The following TMEFF2 variants were observed in gnomAD, a reference collection of about 807,000 sequenced individuals.
TMEFF2 encodes transmembrane protein with EGF like and two follistatin like domains 2.
Under a neutral mutation model 53.8 loss-of-function variants are expected in TMEFF2, and 28 were observed. The observed-to-expected ratio is 0.52, with a 90% CI of 0.39 to 0.71. The LOEUF is 0.71. TMEFF2 is among the 30% of genes least tolerant of loss of function. The pLI is 0.00. For missense variants in TMEFF2, 353 were observed against 455.2 expected (o/e 0.78, Z 2.04); for synonymous variants, 162 against 166.3 (o/e 0.97, Z 0.20).
intron 4 of TMEFF2, among the ~76,000 whole-genome samples, chr2:192,123,577 C>T (rs1002484605): frequency 1.3e-5 from 2 of 152,058 alleles, no homozygotes; most frequent in African/African-American, 4.8e-5. Context: ...TTACTATTAG[C>T]AAAATAATAG....
intron 4 of TMEFF2, among the ~76,000 whole-genome samples, chr2:192,146,571 T>C (rs1017074801): frequency 6.6e-6 from 1 of 152,040 alleles, no homozygotes; most frequent in African/African-American, 2.4e-5. Context: ...CATTTCTGAT[T>C]CATTGAGAGA....
Position 191,989,222 on chromosome 2 carries a change from G to A in TMEFF2, c.745+9040C>T, listed in dbSNP as rs545895475. Among the ~76,000 whole-genome samples, 9 of 152,236 alleles carry A rather than the reference G, an allele frequency of 5.9e-5. No individual in the cohort carries two copies. The South Asian group carries it at 6.2e-4, about 11-fold the overall frequency. ...GGCTTAAAGTCATGAAATGGCTTCCGTGAAACCAGGCCTCAATTTTATCCT... is the reference window on the plus strand; with the variant it reads ...GGCTTAAAGTCATGAAATGGCTTCCATGAAACCAGGCCTCAATTTTATCCT... On this transcript the variant is annotated intron_variant, in intron 7 of 9. Transcript: ENST00000272771.
intron 5 of TMEFF2, among the ~76,000 whole-genome samples, chr2:192,047,659 A>G (rs1472922104): frequency 2.6e-5 from 4 of 152,222 alleles, no homozygotes; most frequent in Admixed American, 2.6e-4. Flanking sequence ...CTAGAAAATC[A>G]GATATTCGTT....
chr2:192,113,760 T>A (rs1439973621), intron 4 of TMEFF2, among the ~76,000 whole-genome samples: 1 of 152,144 alleles, frequency 6.6e-6, no homozygotes, highest in Non-Finnish European at 1.5e-5. Flanking sequence ...CAAAAGCAGG[T>A]GAGAGTAATA....
chr2:191,991,077 A>AT (rs1559074715), intron 7 of TMEFF2, among the ~76,000 whole-genome samples: 1 of 152,116 alleles, frequency 6.6e-6, no homozygotes, highest in African/African-American at 2.4e-5. Flanking sequence ...TGATCTAAAT[A>AT]TACCATACAT....
intron 4 of TMEFF2, among the ~76,000 whole-genome samples, chr2:192,115,573 C>A (rs942218148): frequency 6.6e-6 from 1 of 151,882 alleles, no homozygotes; most frequent in Non-Finnish European, 1.5e-5. Flanking sequence ...AAAATATTTG[C>A]CAGCCACGTA....
intron 2 of TMEFF2, among the ~76,000 whole-genome samples, chr2:192,187,655 G>GT (rs1323551196): frequency 6.6e-6 from 1 of 152,172 alleles, no homozygotes; most frequent in Non-Finnish European, 1.5e-5. Context: ...GTCCATAAAC[G>GT]TATGTGTTGT....
intron 4 of TMEFF2, among the ~76,000 whole-genome samples, chr2:192,107,620 A>G (rs1158206079): frequency 2.0e-5 from 3 of 151,780 alleles, no homozygotes; most frequent in Non-Finnish European, 4.4e-5. Context: ...TATCAAAACA[A>G]GGAGCTAAAG....
At chr2:192,176,853 A>G (rs1265507553) in intron 4 of TMEFF2, 2 of 151,106 alleles carry the variant, frequency 1.3e-5, no homozygotes, top group Admixed American at 6.6e-5. Flanking sequence ...TTTAAAAAGT[A>G]ATATTTGATA....
chr2:192,019,773 G>A (rs549803192), intron 5 of TMEFF2, among the ~76,000 whole-genome samples: 8 of 151,710 alleles, frequency 5.3e-5, no homozygotes, highest in African/African-American at 9.7e-5. Context: ...GGACAGGCGC[G>A]GTTAATCAAA....
intron 7 of TMEFF2, among the ~76,000 whole-genome samples, chr2:191,964,325 TTTCTTTCC>T (rs1559063258): frequency 1.6e-5 from 2 of 126,956 alleles, no homozygotes; most frequent in Admixed American, 7.8e-5. Context: ...CCTTCCTTCC[TTTCTTTCC>T]TTCTTTCTTT....
At chr2:192,132,011 T>C (rs1033520478) in intron 4 of TMEFF2, among the ~76,000 whole-genome samples, 30 of 152,188 alleles carry the variant, frequency 2.0e-4, no homozygotes, top group Admixed American at 7.2e-4. Context: ...AAATCTTCCT[T>C]CTTTCCCTCC....
At chr2:192,097,730 C>G (rs1688946645) in intron 4 of TMEFF2, among the ~76,000 whole-genome samples, 1 of 152,096 alleles carries the variant, frequency 6.6e-6, no homozygotes, top group Non-Finnish European at 1.5e-5. Flanking sequence ...TTATTAAGGT[C>G]TTTATATTTT....
Position 192,081,875 on chromosome 2 carries a change from C to T in TMEFF2, c.440-24100G>A, listed in dbSNP as rs112888734. Among the ~76,000 whole-genome samples the T allele has an allele frequency of 3.8e-3, 575 of 149,498 alleles. 3 individuals are homozygous for T. Among genetic ancestry groups the T allele is most frequent in the African/African-American group, 0.013 (542 of 40,382 alleles). ...GGAGTGCAGTGGCGCGATCTCGGCT[C>T]CTGCAAGCGCCACCTCCCGGGTTCA... On this transcript the variant is annotated intron_variant, in intron 4 of 9. Coordinates refer to ENST00000272771, the MANE Select transcript of TMEFF2 (RefSeq NM_016192.4).
intron 4 of TMEFF2, among the ~76,000 whole-genome samples, chr2:192,103,667 C>T (rs533538099): frequency 1.9e-4 from 29 of 151,998 alleles, no homozygotes; most frequent in African/African-American, 6.5e-4. Flanking sequence ...TAGTAGAATG[C>T]TATATGAACC....
chr2:191,998,453 G>GTTTTACATCTA, intron 6 of TMEFF2, 132 bp from the exon 7 acceptor site: 1 of 564,004 alleles, frequency 1.8e-6, no homozygotes, highest in Non-Finnish European at 3.0e-6. Context: ...TAAGCAACCT[G>GTTTTACATCTA]CATCATACTA....
intron 5 of TMEFF2, among the ~76,000 whole-genome samples, chr2:192,015,588 T>G (rs1236917497): frequency 6.6e-6 from 1 of 152,164 alleles, no homozygotes; most frequent in Non-Finnish European, 1.5e-5. Flanking sequence ...GTAATTGTAT[T>G]TAAGCAGTCC....
At chr2:191,969,036 A>G (rs1268879453) in intron 7 of TMEFF2, among the ~76,000 whole-genome samples, 1 of 151,966 alleles carries the variant, frequency 6.6e-6, no homozygotes, top group Non-Finnish European at 1.5e-5. Context: ...GCACTAGATT[A>G]TACCCTCTCT....
chr2:191,998,005 A>G (rs1044076435), intron 7 of TMEFF2, among the ~76,000 whole-genome samples: 3 of 151,936 alleles, frequency 2.0e-5, no homozygotes, highest in Non-Finnish European at 2.9e-5. Context: ...TATTTGTACT[A>G]TTTGCACTGT....
Sources: gnomAD v4.1 joint callset for allele counts (sites outside exome capture counted in the v4.1 genomes callset) on GRCh38, gnomAD v4.1.1 for gene constraint, MANE v1.5 for transcripts, NCBI Gene and HGNC (gene_info 2026-07-23, HGNC 2026-07-21) for gene names.